The following TLK2 variants were observed in gnomAD, a reference collection of about 807,000 sequenced individuals.
The protein encoded by TLK2 is tousled like kinase 2.
A neutral mutation model predicts 117.3 loss-of-function variants in TLK2; 6 were observed. The ratio of observed to expected loss-of-function variants is 0.05; its 90% CI spans 0.03 to 0.10. The LOEUF (loss-of-function observed/expected upper bound fraction) is 0.10. Among genes scored for constraint, TLK2 ranks in the 10% least tolerant of loss-of-function variants. The pLI is 1.00. For missense variants in TLK2, 299 were observed against 901.2 expected, an observed-to-expected ratio of 0.33 and a Z score of 8.56; for synonymous variants, 257 against 316.7, an observed-to-expected ratio of 0.81 and a Z score of 2.00.
rs566758069 is a variant in TLK2 at position 62,578,117 on chromosome 17, A to G, written c.1189-360A>G. ...TACTTAAAGATGAGAACCGAACCAG[A>G]TAGATAACCTGATTTTTGTAAAAAA... On this transcript the variant is annotated intron_variant, in intron 13 of 21. Coordinates refer to ENST00000346027, the MANE Select transcript of TLK2 (RefSeq NM_006852.6). 4.4e-3 allele frequency among the ~76,000 whole-genome samples: 669 copies of G among 152,318 alleles called. 4 individuals are homozygous for G. Among genetic ancestry groups the G allele is most frequent in the Non-Finnish European group, 7.4e-3 (506 of 68,026 alleles).
At chr17:62,535,537 C>A (rs1180141817) in intron 6 of TLK2, among the ~76,000 whole-genome samples, 2 of 151,912 alleles carry the variant, frequency 1.3e-5, no homozygotes, top group Non-Finnish European at 2.9e-5. Flanking sequence ...GAGGCTGAGG[C>A]GGGCAGATCA....
chr17:62,474,006 C>T (rs2070990413), upstream of TLK2, among the ~76,000 whole-genome samples: 1 of 152,188 alleles, frequency 6.6e-6, no homozygotes, highest in Admixed American at 6.6e-5. Flanking sequence ...AGTGATCTCC[C>T]AACCTCAGCT....
At chr17:62,556,124 A>G (rs2078848286) in intron 9 of TLK2, among the ~76,000 whole-genome samples, 1 of 151,996 alleles carries the variant, frequency 6.6e-6, no homozygotes, top group Non-Finnish European at 1.5e-5. Context: ...CACATTGGCC[A>G]CACTGGTCTC....
chr17:62,474,462 T>G (rs2070999832), upstream of TLK2, among the ~76,000 whole-genome samples: 1 of 151,560 alleles, frequency 6.6e-6, no homozygotes, highest in African/African-American at 2.4e-5. Flanking sequence ...TGGGCTGGAG[T>G]GCAGTGGTGC....
chr17:62,493,037 C>T (rs1328400163), intron 2 of TLK2, among the ~76,000 whole-genome samples: 3 of 152,044 alleles, frequency 2.0e-5, no homozygotes, highest in Non-Finnish European at 4.4e-5. Context: ...GTGGAGGTTG[C>T]AGTGAGCCGA....
At chr17:62,526,694 G>GTA (rs34385864) in intron 6 of TLK2, among the ~76,000 whole-genome samples, 76,975 of 151,848 alleles carry the variant, frequency 0.51, 21,667 homozygotes, top group East Asian at 0.81. Context: ...CCTTGTCCTG[G>GTA]TAAATGACAG....
intron 11 of TLK2, among the ~76,000 whole-genome samples, chr17:62,571,865 AGG>A (rs2080325254): frequency 1.3e-5 from 2 of 152,146 alleles, no homozygotes; most frequent in Non-Finnish European, 2.9e-5. Flanking sequence ...ATTTGAGTGT[AGG>A]TTTTAAAAAA....
intron 21 of TLK2, among the ~76,000 whole-genome samples, chr17:62,610,050 T>A (rs2083617071): frequency 6.6e-6 from 1 of 152,236 alleles, no homozygotes; most frequent in African/African-American, 2.4e-5. Flanking sequence ...GAGTCGATAC[T>A]GAGGGACTTG....
chr17:62,572,159 A>C (rs1351290785), intron 11 of TLK2, among the ~76,000 whole-genome samples: 5 of 150,960 alleles, frequency 3.3e-5, no homozygotes, highest in African/African-American at 1.2e-4. Context: ...CCTGGGCAAC[A>C]GAGTGAGGCT....
At chr17:62,492,484 G>A (rs575999851) in intron 2 of TLK2, among the ~76,000 whole-genome samples, 73 of 151,662 alleles carry the variant, frequency 4.8e-4, no homozygotes, top group African/African-American at 1.7e-3. Context: ...TTGAGACTCA[G>A]TCTTACTCTG....
chr17:62,472,362 C>T (rs1241054406), intron 1 of TLK2, among the ~76,000 whole-genome samples: 2 of 152,188 alleles, frequency 1.3e-5, no homozygotes, highest in African/African-American at 4.8e-5. Context: ...AGTGCCTCCT[C>T]CTCCATGCCC....
chr17:62,570,834 A>G (rs2080230314), intron 11 of TLK2, among the ~76,000 whole-genome samples: 1 of 152,184 alleles, frequency 6.6e-6, no homozygotes, highest in Non-Finnish European at 1.5e-5. Context: ...CTTGAAAATA[A>G]TAGATTATTT....
At chr17:62,583,024 C>T (rs941617131) in intron 15 of TLK2, among the ~76,000 whole-genome samples, 4 of 152,140 alleles carry the variant, frequency 2.6e-5, no homozygotes, top group East Asian at 1.9e-4. Context: ...CCTCCTCTGT[C>T]GATGGACACT....
chr17:62,546,882 A>G (rs369960232), intron 7 of TLK2, among the ~76,000 whole-genome samples: 25 of 151,892 alleles, frequency 1.6e-4, no homozygotes, highest in Middle Eastern at 3.4e-3. Context: ...TTTTCTTGAC[A>G]TTGTCTTTTA....
chr17:62,591,821 T>A (rs1301248816), intron 16 of TLK2, among the ~76,000 whole-genome samples: 1 of 152,254 alleles, frequency 6.6e-6, no homozygotes, highest in African/African-American at 2.4e-5. Flanking sequence ...CACTGTTTTT[T>A]AGTTTTATTT....
intron 12 of TLK2, 99 bp downstream of exon 12, chr17:62,573,466 T>G: frequency 6.7e-7 from 1 of 1,498,526 alleles, no homozygotes; most frequent in Non-Finnish European, 9.0e-7. Flanking sequence ...TTGAGGTCAC[T>G]CAGGTTTAAA....
At chr17:62,495,048 C>A (rs1471306566) in intron 2 of TLK2, among the ~76,000 whole-genome samples, 1 of 151,900 alleles carries the variant, frequency 6.6e-6, no homozygotes, top group Admixed American at 6.6e-5. Flanking sequence ...GCACTTGTAA[C>A]CTCAACTACT....
chr17:62,504,787 G>A (rs1402621939), intron 2 of TLK2, among the ~76,000 whole-genome samples: 1 of 152,092 alleles, frequency 6.6e-6, no homozygotes, highest in Non-Finnish European at 1.5e-5. Flanking sequence ...GAGCCTGGGC[G>A]ACAGAGTGAG....
intron 15 of TLK2, among the ~76,000 whole-genome samples, chr17:62,584,669 A>T (rs1449448715): frequency 6.6e-6 from 1 of 152,214 alleles, no homozygotes; most frequent in Non-Finnish European, 1.5e-5. Flanking sequence ...TAAAAATAAA[A>T]AATGTTGCAA....
Sources: allele counts gnomAD v4.1 joint callset (sites outside exome capture counted in the v4.1 genomes callset), GRCh38; gene constraint gnomAD v4.1.1; transcripts MANE v1.5; gene names NCBI Gene and HGNC (gene_info 2026-07-23, HGNC 2026-07-21).